Variants in KLHL2 observed in about 807,000 individuals in gnomAD.
The protein encoded by KLHL2 is kelch like family member 2.
Under a neutral mutation model 75.8 loss-of-function variants are expected in KLHL2, and 15 were observed. That is an observed-to-expected ratio of 0.20 (90% CI 0.13 to 0.30). The LOEUF (loss-of-function observed/expected upper bound fraction) is 0.30, where lower values mean the gene tolerates loss of function less well. Ranked by LOEUF, KLHL2 falls within the 10% of genes least tolerant of loss-of-function variation. The probability of loss-of-function intolerance (pLI) is 1.00; values close to 1 mark genes in which losing one functional copy is unlikely to be tolerated. For synonymous variants in KLHL2, 214 were observed against 251.9 expected, an observed-to-expected ratio of 0.85 and a Z score of 1.42; for missense variants, 381 against 741.0, an observed-to-expected ratio of 0.51 and a Z score of 5.64.
At chr4:165,298,271 T>C (rs1158394382) in intron 7 of KLHL2, among the ~76,000 whole-genome samples, 2 of 140,972 alleles carry the variant, frequency 1.4e-5, no homozygotes, top group Non-Finnish European at 3.3e-5. Flanking sequence ...GCATCTTCTT[T>C]ACTGTTTTTT....
rs59702935 is a variant in KLHL2 at position 165,284,899 on chromosome 4, C to T, written c.545-9460C>T. Among the ~76,000 whole-genome samples the T allele has an allele frequency of 3.8e-3, 573 of 152,306 alleles. 5 individuals are homozygous for T. Among genetic ancestry groups the T allele is most frequent in the African/African-American group, 0.013 (554 of 41,564 alleles). On this transcript the variant is annotated intron_variant, in intron 5 of 14. Coordinates refer to ENST00000226725, the MANE Select transcript of KLHL2 (RefSeq NM_007246.4). ...CACATCCTACATGGATGGCAGCAGG[C>T]AAACAGAGCTTGTGCAAGGAAACTC...
chr4:165,319,256 G>C lies in KLHL2; in HGVS notation c.1753+1287G>C, dbSNP rs562295711. Among the ~76,000 whole-genome samples, 1 of 152,280 alleles carries C rather than the reference G, an allele frequency of 6.6e-6. No individual in the cohort carries two copies. The highest frequency in any genetic ancestry group is 6.5e-5 in the Admixed American group (1 of 15,292). On this transcript the variant is annotated intron_variant, in intron 14 of 14. Coordinates refer to ENST00000226725, the MANE Select transcript of KLHL2 (RefSeq NM_007246.4). This position sits in a 1 kb window ranked among gnomAD's most constrained non-coding sequence, Gnocchi z 4.5. ...TCAGCGATGCGTATCTCAGTAAAAAGTTCTCTCTCATGGTTCTGCCTTATT... is the reference window on the plus strand; with the variant it reads ...TCAGCGATGCGTATCTCAGTAAAAACTTCTCTCTCATGGTTCTGCCTTATT...
chr4:165,315,495 C>G (rs1026266060), intron 13 of KLHL2, among the ~76,000 whole-genome samples: 3 of 152,112 alleles, frequency 2.0e-5, no homozygotes, highest in African/African-American at 7.2e-5. Context: ...AATCTGAAAG[C>G]TTACTTTTCA....
intron 13 of KLHL2, among the ~76,000 whole-genome samples, chr4:165,316,237 A>G (rs6536903): frequency 0.45 from 68,919 of 152,014 alleles, 16,210 homozygotes; most frequent in African/African-American, 0.55. Context: ...TGAGCCCCTC[A>G]TAGATATGAT....
At chr4:165,263,163 C>T in intron 4 of KLHL2, 34 bp from the exon 5 acceptor site, 7 of 1,607,404 alleles carry the variant, frequency 4.4e-6, no homozygotes, top group Non-Finnish European at 6.0e-6. Flanking sequence ...TTTTTCCACC[C>T]AAGTGCCTAA....
At chr4:165,254,842 G>A (rs530142439) in intron 4 of KLHL2, among the ~76,000 whole-genome samples, 386 of 152,236 alleles carry the variant, frequency 2.5e-3, no homozygotes, top group Non-Finnish European at 4.5e-3. Flanking sequence ...GATCAAAAAA[G>A]GAAGCTACCT....
At chr4:165,234,913 C>G (rs1315641396) in intron 3 of KLHL2, among the ~76,000 whole-genome samples, 1 of 151,994 alleles carries the variant, frequency 6.6e-6, no homozygotes, top group Non-Finnish European at 1.5e-5. Flanking sequence ...GCGGAAGAAT[C>G]ATTTGAGGCC....
At chr4:165,244,591 T>C (rs1017068354) in intron 4 of KLHL2, among the ~76,000 whole-genome samples, 1 of 152,136 alleles carries the variant, frequency 6.6e-6, no homozygotes, top group African/African-American at 2.4e-5. Flanking sequence ...AAACAGTCAT[T>C]GATGGAATAT....
intron 3 of KLHL2, among the ~76,000 whole-genome samples, chr4:165,230,171 A>G (rs1738768907): frequency 6.6e-6 from 1 of 152,144 alleles, no homozygotes; most frequent in African/African-American, 2.4e-5. Flanking sequence ...ACTTTTCTAG[A>G]GAGAGAGAGT....
intron 5 of KLHL2, 32 bp downstream of exon 5, chr4:165,263,391 A>G: frequency 6.2e-7 from 1 of 1,603,272 alleles, no homozygotes; most frequent in East Asian, 2.2e-5. Context: ...TGAATTTGGG[A>G]GGAAACTGCT....
intron 1 of KLHL2, chr4:165,210,325 C>A: frequency 2.4e-6 from 2 of 834,764 alleles, no homozygotes; most frequent in East Asian, 2.7e-5. Context: ...TCTCCACTGG[C>A]CTGTTGGCAC....
intron 4 of KLHL2, among the ~76,000 whole-genome samples, chr4:165,251,142 AT>A (rs887404269): frequency 2.0e-5 from 3 of 151,692 alleles, no homozygotes; most frequent in African/African-American, 7.3e-5. Flanking sequence ...AAAAAAAAAA[AT>A]ACATAAATTC....
At chr4:165,258,407 A>G (rs1741372097) in intron 4 of KLHL2, among the ~76,000 whole-genome samples, 2 of 151,858 alleles carry the variant, frequency 1.3e-5, no homozygotes, top group South Asian at 4.2e-4. Context: ...AAAAAAAAAA[A>G]AAAAAAGGAT....
rs1325910528 is a variant in KLHL2 at position 165,252,734 on chromosome 4, T to C, written c.382-10463T>C. On this transcript the variant is annotated intron_variant, in intron 4 of 14. Coordinates refer to ENST00000226725, the MANE Select transcript of KLHL2 (RefSeq NM_007246.4). ...TTTAAAATAAGTTTATCAATGCTAG[T>C]GTAGCAATTTGGTCATGTAAATGCA... 13 of 152,354 alleles carry C rather than the reference T, an allele frequency of 8.5e-5. No homozygotes were observed. The East Asian group carries it at 2.1e-3, about 25-fold the overall frequency. 9.4% of individuals were successfully genotyped at this position (152,354 alleles called of 1,614,324 possible).
rs1161725947 is a variant in KLHL2, at chr4:165,317,163, C to G, written c.1610-663C>G. Among the ~76,000 whole-genome samples the G allele has an allele frequency of 2.0e-5, 3 of 151,196 alleles. No individual in the cohort carries two copies. In the East Asian group the frequency reaches 5.8e-4, roughly 29 times the overall value. On this transcript the variant is annotated intron_variant, in intron 13 of 14. Coordinates refer to ENST00000226725, the MANE Select transcript of KLHL2 (RefSeq NM_007246.4). ...TAAGAATATTTTTACCTTCTACTAA[C>G]ATATATTTTCTTCCTTAAGATTCCC...
At chr4:165,257,326 G>A (rs1741256686) in intron 4 of KLHL2, among the ~76,000 whole-genome samples, 1 of 152,308 alleles carries the variant, frequency 6.6e-6, no homozygotes, top group East Asian at 1.9e-4. Flanking sequence ...TATAAAATAT[G>A]TCTCAGAACT....
intron 4 of KLHL2, among the ~76,000 whole-genome samples, chr4:165,247,130 G>A (rs1446942122): frequency 6.6e-5 from 10 of 152,172 alleles, no homozygotes; most frequent in African/African-American, 1.9e-4. Flanking sequence ...CATTACATTC[G>A]TTTGCCTGAG....
chr4:165,229,965 C>G (rs1738750440), intron 3 of KLHL2, among the ~76,000 whole-genome samples: 1 of 152,208 alleles, frequency 6.6e-6, no homozygotes, highest in Non-Finnish European at 1.5e-5. Flanking sequence ...TCTTGCTCTT[C>G]CAGAACAGAG....
In KLHL2 at chr4:165,285,440, C is replaced by T. The variant is rs28718066; in HGVS notation, c.545-8919C>T. 5.5e-3 allele frequency among the ~76,000 whole-genome samples: 832 copies of T among 151,826 alleles called. 12 individuals carry two copies. The highest frequency in any genetic ancestry group is 0.019 in the African/African-American group (768 of 41,158). Reference sequence around the variant, plus strand: ...ACTTTTTTTGAGATGGAGTTTCGTTCTTGTTCCCTAGGCTAGAGTGCAGTG... The same window carrying T: ...ACTTTTTTTGAGATGGAGTTTCGTTTTTGTTCCCTAGGCTAGAGTGCAGTG... On this transcript the variant is annotated intron_variant, in intron 5 of 14. Coordinates refer to ENST00000226725, the MANE Select transcript of KLHL2 (RefSeq NM_007246.4).
Sources: gnomAD v4.1 joint callset for allele counts (sites outside exome capture counted in the v4.1 genomes callset) on GRCh38, gnomAD v4.1.1 for gene constraint, Gnocchi (gnomAD v3.1) non-coding constraint, MANE v1.5 for transcripts, NCBI Gene and HGNC (gene_info 2026-07-23, HGNC 2026-07-21) for gene names.